The following DPP10 variants were observed in gnomAD, a reference collection of about 807,000 sequenced individuals.
DPP10 encodes inactive dipeptidyl peptidase 10.
Under a neutral mutation model 120.9 loss-of-function variants are expected in DPP10, and 33 were observed. That is an observed-to-expected ratio of 0.27 (90% CI 0.21 to 0.37). DPP10 has a LOEUF of 0.37. DPP10 is among the 10% of genes least tolerant of loss of function. The pLI is 1.00. For missense variants in DPP10, 816 were observed against 942.8 expected (o/e 0.87, Z 1.76); for synonymous variants, 337 against 326.1 (o/e 1.03, Z -0.36).
intron 1 of DPP10, among the ~76,000 whole-genome samples, chr2:115,212,771 C>G (rs144227449): frequency 3.0e-4 from 46 of 152,180 alleles, no homozygotes; most frequent in South Asian, 1.0e-3. Context: ...TATATGTGTA[C>G]ATATACATAT....
chr2:114,663,662 T>G (rs182161824), intron 1 of DPP10, among the ~76,000 whole-genome samples: 22,501 of 94,026 alleles, frequency 0.24, 2,388 homozygotes, highest in Middle Eastern at 0.28. Context: ...TATATATATA[T>G]ATATATAGAG....
chr2:114,846,411 C>CA (rs1688551920), intron 1 of DPP10, among the ~76,000 whole-genome samples: 1 of 151,984 alleles, frequency 6.6e-6, no homozygotes, highest in Non-Finnish European at 1.5e-5. Flanking sequence ...CTTTAAGAAA[C>CA]AAAAATCACC....
intron 12 of DPP10, among the ~76,000 whole-genome samples, chr2:115,765,707 CTCCAAGAGAGAAATA>C (rs1304692892): frequency 1.3e-5 from 2 of 151,998 alleles, no homozygotes; most frequent in Non-Finnish European, 2.9e-5. Flanking sequence ...ACAAAAGAAA[CTCCAAGAGAGAAATA>C]TCCCACAGGA....
chr2:115,443,869 G>A (rs1404624149), intron 3 of DPP10, among the ~76,000 whole-genome samples: 1 of 152,126 alleles, frequency 6.6e-6, no homozygotes, highest in Non-Finnish European at 1.5e-5. Flanking sequence ...TTTGTTACAG[G>A]AGTCTGTTTC....
intron 1 of DPP10, among the ~76,000 whole-genome samples, chr2:115,287,173 A>G (rs2060438831): frequency 6.6e-6 from 1 of 152,134 alleles, no homozygotes. Flanking sequence ...AAAGTTAGGG[A>G]AGCAGTGGAG....
chr2:114,914,783 T>C (rs541608461), intron 1 of DPP10, among the ~76,000 whole-genome samples: 1 of 152,260 alleles, frequency 6.6e-6, no homozygotes, highest in Admixed American at 6.5e-5. Flanking sequence ...AAGACCCAAC[T>C]GTATGCTATC....
At chr2:114,702,739 C>T (rs1037862011) in intron 1 of DPP10, among the ~76,000 whole-genome samples, 1 of 152,096 alleles carries the variant, frequency 6.6e-6, no homozygotes, top group Non-Finnish European at 1.5e-5. Flanking sequence ...TTATCAGGCA[C>T]AGGTTTCTTG....
chr2:115,427,661 G>A (rs1232111351), intron 3 of DPP10, among the ~76,000 whole-genome samples: 1 of 152,168 alleles, frequency 6.6e-6, no homozygotes, highest in African/African-American at 2.4e-5. Flanking sequence ...GATGGGAGGG[G>A]CTGCCTAGAA....
rs967759336 is a variant in DPP10, at chr2:114,846,176, G to GA, written c.60+403346dup. Among the ~76,000 whole-genome samples, 130 of 151,498 alleles carry GA rather than the reference G, an allele frequency of 8.6e-4. 1 individual carries two copies. The highest frequency in any genetic ancestry group is 8.6e-4 in the Admixed American group (13 of 15,190). ...TATAAATAAAATTAGTCCTTATGTT[G>GA]AAAAAAAACTGTTATAGTATATGTG... On this transcript the variant is annotated intron_variant, in intron 1 of 25. Transcript: ENST00000410059.
Position 115,406,000 on chromosome 2 carries a change from T to G in DPP10, c.271+62088T>G, listed in dbSNP as rs149477616. Among the ~76,000 whole-genome samples, 36 of 152,346 alleles carry G rather than the reference T, an allele frequency of 2.4e-4. 1 individual carries two copies. Among genetic ancestry groups the G allele is most frequent in the African/African-American group, 7.9e-4 (33 of 41,590 alleles). On this transcript the variant is annotated intron_variant, in intron 3 of 25. Transcript: ENST00000410059. ...CACACTAATCTATTTAGTGAAGAGTTGCTGTACCGCACCCTTGGCTTTTCT... is the reference window on the plus strand; with the variant it reads ...CACACTAATCTATTTAGTGAAGAGTGGCTGTACCGCACCCTTGGCTTTTCT...
chr2:115,248,271 G>A (rs2058619041), intron 1 of DPP10, among the ~76,000 whole-genome samples: 1 of 152,158 alleles, frequency 6.6e-6, no homozygotes, highest in Non-Finnish European at 1.5e-5. Context: ...GAGTCCCACA[G>A]GAGAAGGGCT....
chr2:115,652,088 A>G (rs1167521631), intron 5 of DPP10, among the ~76,000 whole-genome samples: 1 of 152,088 alleles, frequency 6.6e-6, no homozygotes, highest in Non-Finnish European at 1.5e-5. Context: ...TTTTTCTCAG[A>G]TATAATATAG....
chr2:114,614,222 A>G (rs1374656197), intron 1 of DPP10, among the ~76,000 whole-genome samples: 1 of 152,188 alleles, frequency 6.6e-6, no homozygotes, highest in Non-Finnish European at 1.5e-5. Context: ...ACTCCACATC[A>G]CCGGATTTTT....
intron 5 of DPP10, among the ~76,000 whole-genome samples, chr2:115,678,240 C>T (rs1191989170): frequency 6.6e-6 from 1 of 152,214 alleles, no homozygotes; most frequent in Non-Finnish European, 1.5e-5. Context: ...ATGTCAGAGC[C>T]CTTCACGGCA....
chr2:114,927,511 A>G (rs1695724062), intron 1 of DPP10, among the ~76,000 whole-genome samples: 3 of 151,986 alleles, frequency 2.0e-5, no homozygotes, highest in Non-Finnish European at 4.4e-5. Context: ...CTTCTATGTC[A>G]CAGGTGGATG....
chr2:115,376,859 T>C (rs1414383328), intron 3 of DPP10, among the ~76,000 whole-genome samples: 5 of 150,326 alleles, frequency 3.3e-5, no homozygotes, highest in South Asian at 2.1e-4. Flanking sequence ...ATTTCATCCA[T>C]GTCCCTACAA....
intron 1 of DPP10, among the ~76,000 whole-genome samples, chr2:114,547,311 C>A (rs546467159): frequency 6.6e-6 from 1 of 152,348 alleles, no homozygotes; most frequent in South Asian, 2.1e-4. Context: ...CCAGTCACGG[C>A]TGCTGCTGCT....
At chr2:114,822,172 T>C (rs931439256) in intron 1 of DPP10, among the ~76,000 whole-genome samples, 4 of 152,184 alleles carry the variant, frequency 2.6e-5, no homozygotes, top group African/African-American at 9.7e-5. Flanking sequence ...ATCCAGATGT[T>C]TTTTTACATC....
intron 1 of DPP10, among the ~76,000 whole-genome samples, chr2:115,183,058 G>C (rs2054186656): frequency 6.6e-6 from 1 of 152,056 alleles, no homozygotes; most frequent in African/African-American, 2.4e-5. Flanking sequence ...CATGCACACA[G>C]AGGCACGCAC....
Sources: allele counts gnomAD v4.1 joint callset (sites outside exome capture counted in the v4.1 genomes callset), GRCh38; gene constraint gnomAD v4.1.1; transcripts MANE v1.5; gene names NCBI Gene and HGNC (gene_info 2026-07-23, HGNC 2026-07-21).